The following NAIP variants were observed in gnomAD, a reference collection of about 807,000 sequenced individuals.
The protein encoded by NAIP is baculoviral IAP repeat-containing protein 1.
NAIP carries 15 observed loss-of-function variants against 23.0 expected under a neutral mutation model. The observed-to-expected ratio is 0.65, with a 90% CI of 0.44 to 1.00. The LOEUF is 1.00. Among genes scored for constraint, NAIP ranks in the 50% least tolerant of loss-of-function variants. NAIP has a pLI of 0.00. For synonymous variants in NAIP, 100 were observed against 100.2 expected (o/e 1.00, Z 0.01); for missense variants, 265 against 278.8 (o/e 0.95, Z 0.35).
At chr5:70,996,557 C>T (rs1243596537) in intron 9 of NAIP, among the ~76,000 whole-genome samples, 8 of 138,782 alleles carry the variant, frequency 5.8e-5, no homozygotes, top group South Asian at 4.6e-4. Context: ...GAGGCTGAGG[C>T]GGGTGGATCA....
chr5:71,014,962 T>A (rs1051301319), intron 3 of NAIP, among the ~76,000 whole-genome samples: 37 of 151,692 alleles, frequency 2.4e-4, no homozygotes, highest in African/African-American at 9.0e-4. Flanking sequence ...TTGTTCCTCA[T>A]TAGGTTGTAG....
chr5:71,016,069 C>G (rs1751430263), intron 3 of NAIP, among the ~76,000 whole-genome samples: 1 of 148,274 alleles, frequency 6.7e-6, no homozygotes, highest in South Asian at 2.2e-4. Context: ...TGCTTGAGAC[C>G]AGGAGTTGAG....
chr5:71,010,442 G>T (rs1580931329), intron 5 of NAIP, among the ~76,000 whole-genome samples: 2 of 151,472 alleles, frequency 1.3e-5, no homozygotes, highest in South Asian at 4.2e-4. Flanking sequence ...CTAATTTTTT[G>T]TATTTTTAGT....
intron 3 of NAIP, among the ~76,000 whole-genome samples, chr5:71,014,465 A>T (rs187106209): frequency 6.6e-6 from 1 of 151,700 alleles, no homozygotes; most frequent in Non-Finnish European, 1.5e-5. Flanking sequence ...GTAATTTCTA[A>T]GAATTTTACC....
At chr5:71,017,949 C>G (rs1431799514) in intron 3 of NAIP, among the ~76,000 whole-genome samples, 1 of 135,100 alleles carries the variant, frequency 7.4e-6, no homozygotes, top group Non-Finnish European at 1.6e-5. Flanking sequence ...GCCTCAGATT[C>G]CTGGGCTTAA....
chr5:71,008,823 A>AG (rs1751009102), intron 5 of NAIP, among the ~76,000 whole-genome samples: 1 of 136,792 alleles, frequency 7.3e-6, no homozygotes, highest in Non-Finnish European at 1.5e-5. Flanking sequence ...AAAAAAAGAA[A>AG]GAAAGAAAGA....
intron 3 of NAIP, among the ~76,000 whole-genome samples, chr5:71,014,333 A>G (rs1273149497): frequency 4.0e-5 from 6 of 150,898 alleles, no homozygotes; most frequent in Non-Finnish European, 7.4e-5. Context: ...CCTGACCTCA[A>G]GTGATCCGCC....
At position 71,012,744 on chromosome 5, in the gene NAIP, G is replaced by A. The variant is rs745325912; in HGVS notation, c.172C>T (p.Arg58Cys). ...GTCTTTAACCTTTTTGCTTCACTGCGCATTTGAGAGTTGTAGCCTTTCTGC... is the reference window on the plus strand; with the variant it reads ...GTCTTTAACCTTTTTGCTTCACTGCACATTTGAGAGTTGTAGCCTTTCTGC... The part of the protein sequence containing the change: ...KMQKGYNSQM[R>C]SEAKRLKTFV... The change falls in exon 4 of 17, where the codon CGC (arginine) becomes TGC (cysteine). Residue 58 changes from arginine (R) to cysteine (C), a missense_variant. Transcript: ENST00000517649. 49 of 1,611,694 alleles carry A rather than the reference G, an allele frequency of 3.0e-5. 1 individual carries two copies. The highest frequency in any genetic ancestry group is 4.0e-5 in the African/African-American group (3 of 74,692).
Position 71,011,332 on chromosome 5 carries a change from A to G in NAIP, c.611T>C (p.Leu204Ser). Residue 204 changes from leucine (L) to serine (S), a missense_variant, in exon 5 of 17, where the codon TTA (leucine) becomes TCA (serine). Leu to Ser is a moderately radical substitution (Grantham distance 145, BLOSUM62 -2). Transcript: ENST00000517649. The part of the protein sequence containing the change: ...TVQCFSCGGC[L>S]GNWEEGDDPW... ...ATCATCTCCTTCTTCCCAATTTCCT[A>G]AACATCCACCACAGGAAAAACACTG... 2 of 1,606,818 alleles carry G rather than the reference A, an allele frequency of 1.2e-6. No homozygotes were observed. The highest frequency in any genetic ancestry group is 1.1e-5 in the South Asian group (1 of 89,904).
intron 4 of NAIP, chr5:71,011,874 T>C (rs1012343719): frequency 7.2e-6 from 2 of 277,056 alleles, no homozygotes; most frequent in African/African-American, 4.4e-5. Context: ...CAGTACTCAG[T>C]AAATGATCGT....
chr5:70,977,681 A>G (rs138080815), intron 13 of NAIP, among the ~76,000 whole-genome samples: 3,490 of 148,128 alleles, frequency 0.024, 17 homozygotes, highest in Non-Finnish European at 0.04. Context: ...AAAAAAAAAA[A>G]AAAAAAAAAA....
At chr5:70,971,684 C>G (rs1750172919) in intron 16 of NAIP, 1 of 111,800 alleles carries the variant, frequency 8.9e-6, no homozygotes, top group African/African-American at 2.9e-5. Context: ...GTGTGACATT[C>G]CTAAAGCCAT....
chr5:71,010,546 T>C (rs1256896231), intron 5 of NAIP, among the ~76,000 whole-genome samples: 8 of 151,370 alleles, frequency 5.3e-5, no homozygotes, highest in Non-Finnish European at 1.0e-4. Flanking sequence ...GGATTACAGG[T>C]GTGAGCCACC....
intron 3 of NAIP, among the ~76,000 whole-genome samples, chr5:71,016,234 C>T (rs1292159752): frequency 1.5e-4 from 23 of 148,526 alleles, no homozygotes; most frequent in Admixed American, 1.2e-3. Flanking sequence ...TATGAAGCTG[C>T]GGGGAGCTAT....
intron 9 of NAIP, among the ~76,000 whole-genome samples, chr5:70,989,891 C>T (rs1280084949): frequency 1.8e-4 from 1 of 5,654 alleles, no homozygotes; most frequent in Non-Finnish European, 2.7e-4. Flanking sequence ...GGTAGTGACA[C>T]GACCAAGGAT....
intron 13 of NAIP, among the ~76,000 whole-genome samples, chr5:70,979,621 T>C (rs1310400765): frequency 8.7e-6 from 1 of 114,758 alleles, no homozygotes; most frequent in Non-Finnish European, 1.7e-5. Context: ...TAGTACTTCA[T>C]AGAGTGGGTA....
chr5:71,009,960 T>C (rs1267592610), intron 5 of NAIP, among the ~76,000 whole-genome samples: 1 of 151,614 alleles, frequency 6.6e-6, no homozygotes, highest in Admixed American at 6.6e-5. Flanking sequence ...ACCACTGCAG[T>C]AATAAAAACT....
intron 5 of NAIP, among the ~76,000 whole-genome samples, chr5:71,007,931 G>GGAGAGGA (rs1188848899): frequency 1.5e-5 from 2 of 134,994 alleles, no homozygotes; most frequent in Non-Finnish European, 3.2e-5. Flanking sequence ...AGGGGAGATA[G>GGAGAGGA]GAGAGGAGAG....
chr5:71,012,172 G>C (rs1751190556), intron 4 of NAIP, among the ~76,000 whole-genome samples, 176 bp downstream of exon 4: 1 of 151,512 alleles, frequency 6.6e-6, no homozygotes, highest in African/African-American at 2.4e-5. Context: ...GTACTAAATA[G>C]AAAATGAAGC....
Sources: gnomAD v4.1 joint callset for allele counts (sites outside exome capture counted in the v4.1 genomes callset) on GRCh38, gnomAD v4.1.1 for gene constraint, MANE v1.5 for transcripts, NCBI Gene and HGNC (gene_info 2026-07-23, HGNC 2026-07-21) for gene names.